The following VPS11 variants were observed in gnomAD, a reference collection of about 807,000 sequenced individuals.
The protein encoded by VPS11 is VPS11 core subunit of CORVET and HOPS complexes.
VPS11 carries 51 observed loss-of-function variants against 106.8 expected under a neutral mutation model. The ratio of observed to expected loss-of-function variants is 0.48; its 90% CI spans 0.38 to 0.60. The LOEUF is 0.60. Among genes scored for constraint, VPS11 ranks in the 20% least tolerant of loss-of-function variants. VPS11 has a pLI of 0.00. For synonymous variants in VPS11, 453 were observed against 458.7 expected, an observed-to-expected ratio of 0.99 and a Z score of 0.16; for missense variants, 950 against 1,190.0, an observed-to-expected ratio of 0.80 and a Z score of 2.97.
intron 14 of VPS11, 69 bp from the exon 15 acceptor site, chr11:119,081,023 C>G: frequency 2.1e-6 from 3 of 1,449,182 alleles, no homozygotes; most frequent in Non-Finnish European, 2.9e-6. Context: ...CAGCTGCCTT[C>G]TTTCTCATCC....
rs781933153 is a variant in VPS11 at position 119,077,614 on chromosome 11, G to A, written c.1539G>A (p.Glu513=). ...LYLAENHAHH[E]WYLKIQLEDI... is the part of the protein sequence containing the mutation. ...TGGCGGAGAACCATGCACATCATGAGTGGTACCTGAAGATCCAGCTAGAAG... is the reference window on the plus strand; with the variant it reads ...TGGCGGAGAACCATGCACATCATGAATGGTACCTGAAGATCCAGCTAGAAG... Residue 513 remains glutamate, a synonymous_variant, in exon 9 of 16, where the codon GAG becomes GAA. Coordinates refer to ENST00000621676, the MANE Select transcript of VPS11 (RefSeq NM_021729.6). 1.9e-6 allele frequency: 3 copies of A among 1,611,128 alleles called. No individual in the cohort carries two copies. The highest frequency in any genetic ancestry group is 2.2e-5 in the East Asian group (1 of 44,828).
intron 14 of VPS11, among the ~76,000 whole-genome samples, chr11:119,080,880 T>C (rs782014596): frequency 6.6e-6 from 1 of 152,198 alleles, no homozygotes; most frequent in Non-Finnish European, 1.5e-5. Flanking sequence ...CCAGGCTGAG[T>C]TGGCCTTGTT....
chr11:119,070,181 C>T lies in VPS11; in HGVS notation c.473-53C>T, dbSNP rs561686475. 6.5e-6 allele frequency: 10 copies of T among 1,546,106 alleles called. No homozygotes were observed. In the African/African-American group the frequency reaches 9.6e-5, roughly 15 times the overall value. ...CCTCAAGTGGTCTTTTTTCCCCTCT[C>T]CACTTCCTGATCTTTTCAGCCTTAC... On this transcript the variant is annotated intron_variant, in intron 3 of 15. Coordinates refer to ENST00000621676, the MANE Select transcript of VPS11 (RefSeq NM_021729.6).
intron 7 of VPS11, among the ~76,000 whole-genome samples, chr11:119,075,083 G>A (rs1042172948): frequency 6.6e-6 from 1 of 151,812 alleles, no homozygotes; most frequent in African/African-American, 2.4e-5. Flanking sequence ...TGGCTAACAC[G>A]GTGAAACCCC....
chr11:119,068,999 C>CA (rs1555201670), intron 1 of VPS11, among the ~76,000 whole-genome samples, 197 bp from the exon 2 acceptor site: 1 of 31,580 alleles, frequency 3.2e-5, no homozygotes, highest in African/African-American at 1.2e-4. Context: ...GATCCGCACC[C>CA]CCCCCCCCCC....
chr11:119,081,550 C>T lies in VPS11; in HGVS notation c.2753C>T (p.Thr918Ile), dbSNP rs558557176. ...TTGACTCTGCTGACCGACCCTCCCACAGCCAGACTGACCTCCAGCCTGGAG... is the reference window on the plus strand; with the variant it reads ...TTGACTCTGCTGACCGACCCTCCCATAGCCAGACTGACCTCCAGCCTGGAG... Reference protein sequence around the residue: ...NKLTLLTDPPTARLTSSLEAG... With the variant: ...NKLTLLTDPPIARLTSSLEAG... Residue 918 changes from threonine (T) to isoleucine (I), a missense_variant, in exon 16 of 16, where the codon ACA (threonine) becomes ATA (isoleucine). Thr to Ile is a moderately conservative substitution (Grantham distance 89). Around this residue, in one of 3 missense-constraint regions of VPS11, gnomAD observed 453 missense variants for 514.6 expected, o/e 0.88. Transcript: ENST00000621676. The T allele has an allele frequency of 2.4e-5, 39 of 1,614,064 alleles. No homozygotes were observed. The Admixed American group carries it at 4.5e-4, about 19-fold the overall frequency.
At chr11:119,077,847 A>G (rs1293235012) in intron 9 of VPS11, 31 bp from the exon 10 acceptor site, 11 of 1,612,226 alleles carry the variant, frequency 6.8e-6, no homozygotes, top group Admixed American at 1.7e-5. Context: ...AGGCAGGAGT[A>G]TACACTATTC....
intron 7 of VPS11, 78 bp downstream of exon 7, chr11:119,074,029 C>T: frequency 6.8e-7 from 1 of 1,473,172 alleles, no homozygotes; most frequent in Non-Finnish European, 9.2e-7. Flanking sequence ...ATCCATGCTC[C>T]AGGTAGGGGC....
Position 119,073,267 on chromosome 11 carries a change from C to T in VPS11, c.954C>T (p.Asn318=). The part of the protein sequence containing the change: ...KQILNIYDLC[N]KFIAYSTVFE... Reference sequence around the variant, plus strand: ...TTCTAAACATCTATGACCTGTGCAACAAGTTCATAGCCTATAGCACCGTCT... The same window carrying T: ...TTCTAAACATCTATGACCTGTGCAATAAGTTCATAGCCTATAGCACCGTCT... The change falls in exon 6 of 16, where the codon AAC becomes AAT. Residue 318 remains asparagine, a synonymous_variant. Transcript: ENST00000621676. The T allele has an allele frequency of 2.5e-6, 4 of 1,613,974 alleles. No homozygotes were observed. Among genetic ancestry groups the T allele is most frequent in the Non-Finnish European group, 3.4e-6 (4 of 1,179,882 alleles).
At position 119,079,159 on chromosome 11, in the gene VPS11, C is replaced by T; in HGVS notation, c.2297C>T (p.Ala766Val). The T allele has an allele frequency of 6.2e-7, 1 of 1,613,932 alleles. No individual in the cohort carries two copies. The change falls in exon 14 of 16, where the codon GCC (alanine) becomes GTC (valine). Residue 766 changes from alanine (A) to valine (V), a missense_variant. Physicochemically the swap from Ala to Val is moderately conservative, Grantham distance 64. Transcript: ENST00000621676. ...VVQTLAHNST[A>V]TLSVIRDYLV... Reference sequence around the variant, plus strand: ...CAGACCCTGGCCCACAACTCCACAGCCACACTCTCCGTCATCAGGGACTAC... The same window carrying T: ...CAGACCCTGGCCCACAACTCCACAGTCACACTCTCCGTCATCAGGGACTAC...
chr11:119,069,058 C>A, intron 1 of VPS11, 138 bp from the exon 2 acceptor site: 1 of 930,546 alleles, frequency 1.1e-6, no homozygotes, highest in Non-Finnish European at 1.5e-6. Flanking sequence ...CCGCGCCTGG[C>A]CTCACTCTTT....
chr11:119,081,600 A>G lies in VPS11; in HGVS notation c.2803A>G (p.Met935Val), dbSNP rs782057673. Residue 935 changes from methionine to valine, a missense_variant, in exon 16 of 16, where the codon ATG (methionine) becomes GTG (valine). By Grantham distance (21) the Met-to-Val change is conservative (BLOSUM62 1). Transcript: ENST00000621676. Reference protein sequence around the residue: ...LEAGLQRDLLMHSRRGT With the variant: ...LEAGLQRDLLVHSRRGT ...GGCTGGGCTGCAACGCGACCTACTC[A>G]TGCACTCCAGGAGGGGCACTTAAGC... is the stretch of plus-strand genomic sequence containing the variant. 7.4e-6 allele frequency: 12 copies of G among 1,613,818 alleles called. No homozygotes were observed. Among genetic ancestry groups the G allele is most frequent in the Non-Finnish European group, 1.0e-5 (12 of 1,179,868 alleles).
chr11:119,077,759 G>C, intron 9 of VPS11, 112 bp downstream of exon 9: 1 of 1,546,614 alleles, frequency 6.5e-7, no homozygotes, highest in South Asian at 1.3e-5. Flanking sequence ...CTGAGTGGAG[G>C]TGAGACTCTC....
Position 119,078,939 on chromosome 11 carries a change from G to A in VPS11, c.2208G>A (p.Glu736=), listed in dbSNP as rs1306016228. ...CTCGCAAGGAGGAGGACTGCAAGGA[G>A]TATGTGGCAGCTGTCCTCAAGCATA... The part of the protein sequence containing the change: ...YFARKEEDCK[E]YVAAVLKHIE... Residue 736 remains glutamate, a synonymous_variant, in exon 13 of 16, where the codon GAG becomes GAA. Coordinates refer to ENST00000621676, the MANE Select transcript of VPS11 (RefSeq NM_021729.6). The A allele has an allele frequency of 1.5e-5, 24 of 1,613,966 alleles. No homozygotes were observed. The highest frequency in any genetic ancestry group is 2.7e-5 in the African/African-American group (2 of 74,952).
intron 3 of VPS11, among the ~76,000 whole-genome samples, chr11:119,069,985 C>A (rs530760269): frequency 0.023 from 1,159 of 50,494 alleles, 9 homozygotes; most frequent in Non-Finnish European, 0.038. Flanking sequence ...GCAACAAGAG[C>A]AAAACTCTGT....
rs782635161 is a variant in VPS11 at position 119,079,273 on chromosome 11, G to A, written c.2411G>A (p.Arg804His). The A allele has an allele frequency of 9.4e-6, 15 of 1,599,450 alleles. No homozygotes were observed. The highest frequency in any genetic ancestry group is 2.7e-5 in the African/African-American group (2 of 74,530). ...RRYREETTRIRQEIQELKASP... is the reference protein window; with the variant it reads ...RRYREETTRIHQEIQELKASP... ...TACCGAGAGGAGACCACCCGTATCC[G>A]CCAGGAGATCCAAGAGCTCAAGGCC... The change falls in exon 14 of 16, where the codon CGC (arginine) becomes CAC (histidine). Residue 804 changes from arginine (R) to histidine (H), a missense_variant. Arg to His is a conservative substitution (Grantham distance 29). This residue lies in a region of VPS11 where 453 missense variants were observed against 514.6 expected (regional missense o/e 0.88). Transcript: ENST00000621676.
chr11:119,073,105 G>A (rs1945461175), intron 5 of VPS11, 93 bp from the exon 6 acceptor site: 2 of 1,422,330 alleles, frequency 1.4e-6, no homozygotes, highest in Non-Finnish European at 1.9e-6. Context: ...ATTTGTGCTG[G>A]GTGAAATGTG....
intron 12 of VPS11, 34 bp from the exon 13 acceptor site, chr11:119,078,761 C>T (rs982612378): frequency 6.2e-7 from 1 of 1,609,564 alleles, no homozygotes; most frequent in Non-Finnish European, 8.5e-7. Context: ...TTTCCAGAGA[C>T]AGCCACTGAG....
Position 119,070,284 on chromosome 11 carries a change from C to T in VPS11, c.523C>T (p.Arg175Trp), listed in dbSNP as rs377164897. The T allele has an allele frequency of 1.7e-5, 28 of 1,612,894 alleles. No individual in the cohort carries two copies. Among genetic ancestry groups the T allele is most frequent in the Middle Eastern group, 1.6e-4 (1 of 6,084 alleles). ...TLNKGDITRD[R>W]HSKTQILHKG... is the part of the protein sequence containing the mutation. The stretch of plus-strand genomic sequence containing the variant: ...GAACAAAGGAGACATCACCCGGGAC[C>T]GGCATAGCAAGACCCAGATTTTGCA... Residue 175 changes from arginine (R) to tryptophan (W), a missense_variant, in exon 4 of 16, where the codon CGG becomes TGG. Arg to Trp is a moderately radical substitution (Grantham distance 101, BLOSUM62 -3). Transcript: ENST00000621676.
Sources: gnomAD v4.1 joint callset for allele counts (sites outside exome capture counted in the v4.1 genomes callset) on GRCh38, gnomAD v4.1.1 for gene constraint, gnomAD v4.1.1 regional missense constraint, MANE v1.5 for transcripts, NCBI Gene and HGNC (gene_info 2026-07-23, HGNC 2026-07-21) for gene names.